SDSL: variants seen among roughly 807,000 people sequenced by gnomAD.
SDSL encodes the protein serine dehydratase like.
A neutral mutation model predicts 27.6 loss-of-function variants in SDSL; 26 were observed. That is an observed-to-expected ratio of 0.94 (90% CI 0.69 to 1.31). The LOEUF is 1.31. Ranked by LOEUF, SDSL falls within the 50% of genes most tolerant of loss-of-function variation. The probability of loss-of-function intolerance (pLI) is 0.00; values close to 1 mark genes in which losing one functional copy is unlikely to be tolerated. For missense variants in SDSL, 431 were observed against 423.5 expected (o/e 1.02, Z -0.16); for synonymous variants, 196 against 180.6 (o/e 1.09, Z -0.69).
chr12:113,429,158 AG>A lies in SDSL; in HGVS notation c.218del. The A allele has an allele frequency of 6.2e-7, 1 of 1,611,534 alleles. No individual in the cohort carries two copies. The highest frequency in any genetic ancestry group is 1.3e-5 in the African/African-American group (1 of 74,958). On this transcript the variant is annotated splice_acceptor_variant, in intron 3 of 7. Transcript: ENST00000403593. LOFTEE classifies it high-confidence loss of function. Reference sequence around the variant, plus strand: ...ACTGCCCCTTTCCTCCTTTCTGCACAGGGGGTAATGCGGGCATCGCTGCTGC... The same window carrying A: ...ACTGCCCCTTTCCTCCTTTCTGCACAGGGGTAATGCGGGCATCGCTGCTGC...
chr12:113,425,097 T>A (rs1182940868), intron 1 of SDSL, among the ~76,000 whole-genome samples: 1 of 152,156 alleles, frequency 6.6e-6, no homozygotes. Context: ...TATCCCCATT[T>A]TAGAGAAGGG....
intron 1 of SDSL, among the ~76,000 whole-genome samples, chr12:113,424,665 G>A (rs930358514): frequency 1.3e-5 from 2 of 151,968 alleles, no homozygotes; most frequent in East Asian, 1.9e-4. Context: ...GTGAGATAAC[G>A]TCTCCAGAGG....
intron 7 of SDSL, chr12:113,437,198 G>C: frequency 5.4e-6 from 1 of 183,728 alleles, no homozygotes; most frequent in Non-Finnish European, 1.1e-5. Context: ...CTCACCCCAC[G>C]CTGCCTGGGT....
intron 7 of SDSL, among the ~76,000 whole-genome samples, 199 bp from the exon 8 acceptor site, chr12:113,437,687 A>G (rs1389289663): frequency 6.6e-6 from 1 of 152,120 alleles, no homozygotes; most frequent in Non-Finnish European, 1.5e-5. Context: ...TAGAGAGATA[A>G]AAGGTGGATG....
chr12:113,437,538 GGACA>G (rs962572938), intron 7 of SDSL, among the ~76,000 whole-genome samples: 2 of 152,166 alleles, frequency 1.3e-5, no homozygotes, highest in African/African-American at 4.8e-5. Flanking sequence ...GTTGATGGAT[GGACA>G]GACAGTCAAA....
At chr12:113,434,097 C>T in intron 4 of SDSL, 37 bp from the exon 5 acceptor site, 3 of 1,577,562 alleles carry the variant, frequency 1.9e-6, no homozygotes, top group East Asian at 2.2e-5. Flanking sequence ...AGCAGTCCCA[C>T]TCCCGGCTGT....
intron 1 of SDSL, 26 bp from the exon 2 acceptor site, chr12:113,427,936 G>T: frequency 6.4e-7 from 1 of 1,571,678 alleles, no homozygotes. Context: ...GGACTGCCTG[G>T]GTGGTGACTT....
intron 4 of SDSL, among the ~76,000 whole-genome samples, chr12:113,431,330 G>C (rs1417827410): frequency 6.6e-6 from 1 of 152,220 alleles, no homozygotes; most frequent in Admixed American, 6.5e-5. Flanking sequence ...GAGGGACCTG[G>C]TTGGATTTTC....
rs141773840 is a variant in SDSL at position 113,438,036 on chromosome 12, G to T, written c.947G>T (p.Ser316Ile). 6.2e-7 allele frequency: 1 copy of T among 1,614,136 alleles called. No homozygotes were observed. Among genetic ancestry groups the T allele is most frequent in the South Asian group, 1.1e-5 (1 of 91,076 alleles). Residue 316 changes from serine (S) to isoleucine (I), a missense_variant, in exon 8 of 8, where the codon AGC (serine) becomes ATC (isoleucine). Transcript: ENST00000403593. ...VIVCGGNNIN[S>I]RELQALKTHL... ...GTGTGTGGAGGCAACAACATCAACA[G>T]CCGAGAGCTGCAGGCTTTGAAAACC...
intron 4 of SDSL, 52 bp downstream of exon 4, chr12:113,429,351 C>G (rs368265352): frequency 8.4e-6 from 13 of 1,553,334 alleles, no homozygotes; most frequent in African/African-American, 2.7e-5. Flanking sequence ...TCTCCTTCAC[C>G]TCACCCCACC....
In SDSL at chr12:113,435,559, G is replaced by A; in HGVS notation, c.671+3G>A. 6.2e-7 allele frequency: 1 copy of A among 1,611,142 alleles called. No individual in the cohort carries two copies. Among genetic ancestry groups the A allele is most frequent in the Non-Finnish European group, 8.5e-7 (1 of 1,178,062 alleles). On this transcript the variant is annotated splice_donor_region_variant and intron_variant, in intron 6 of 7. Coordinates refer to ENST00000403593, the MANE Select transcript of SDSL (RefSeq NM_001304993.2). ...GTCACACTTCCAGACATCACCAGGT[G>A]GGTAAGGGCTGGGGACATTTGTAGG...
chr12:113,436,092 A>G (rs528853087), intron 6 of SDSL, among the ~76,000 whole-genome samples: 98 of 152,316 alleles, frequency 6.4e-4, no homozygotes, highest in African/African-American at 2.2e-3. Flanking sequence ...GTGAATAGCC[A>G]TCGTGCTCCA....
chr12:113,429,856 C>T (rs1462178465), intron 4 of SDSL, among the ~76,000 whole-genome samples: 5 of 152,060 alleles, frequency 3.3e-5, no homozygotes, highest in Non-Finnish European at 7.4e-5. Context: ...AACTATGGTA[C>T]GTTAAAGCTG....
At chr12:113,425,961 C>T in intron 1 of SDSL, 1 of 370,852 alleles carries the variant, frequency 2.7e-6, no homozygotes. Context: ...TGCACTCCAG[C>T]CTGGGCAAGA....
intron 7 of SDSL, among the ~76,000 whole-genome samples, chr12:113,437,447 C>T (rs929145385): frequency 3.3e-5 from 5 of 151,702 alleles, no homozygotes; most frequent in South Asian, 2.1e-4. Context: ...GATGGATGGA[C>T]GGATGGATGG....
intron 2 of SDSL, 108 bp from the exon 3 acceptor site, chr12:113,428,312 G>A: frequency 7.6e-7 from 1 of 1,316,254 alleles, no homozygotes; most frequent in Non-Finnish European, 1.1e-6. Context: ...GCAGGATGAG[G>A]GGTAAAGGCG....
intron 1 of SDSL, chr12:113,426,225 C>A (rs1426483583): frequency 2.2e-6 from 1 of 456,008 alleles, no homozygotes; most frequent in Admixed American, 2.3e-5. Context: ...GTCCTGGCTG[C>A]TGTTCTCTGT....
rs535956923 is a variant in SDSL at position 113,424,741 on chromosome 12, CT to C, written c.-22+2277del. On this transcript the variant is annotated intron_variant, in intron 1 of 7. Transcript: ENST00000403593. ...GACAGATGTTATTCTCTCTCTCTCT[CT>C]TTTTTTTTTTTTAAAGACAGTCTCA... 3.1e-3 allele frequency among the ~76,000 whole-genome samples: 450 copies of C among 144,196 alleles called. 3 individuals carry two copies. Among genetic ancestry groups the C allele is most frequent in the South Asian group, 0.015 (66 of 4,508 alleles). The allele number at this position is 144,196 out of a possible 152,430, so 94.6% of individuals were successfully genotyped here.
intron 4 of SDSL, among the ~76,000 whole-genome samples, chr12:113,432,901 C>A (rs978939016): frequency 1.6e-4 from 25 of 152,318 alleles, no homozygotes; most frequent in African/African-American, 6.0e-4. Context: ...ACCACATTTT[C>A]TGTATCCAAT....
Sources: allele counts gnomAD v4.1 joint callset (sites outside exome capture counted in the v4.1 genomes callset), GRCh38; gene constraint gnomAD v4.1.1; transcripts MANE v1.5; gene names NCBI Gene and HGNC (gene_info 2026-07-23, HGNC 2026-07-21).